LAPTM4B: variants seen among roughly 807,000 people sequenced by gnomAD.
LAPTM4B encodes lysosomal protein transmembrane 4 beta.
A neutral mutation model predicts 28.5 loss-of-function variants in LAPTM4B; 26 were observed. The ratio of observed to expected loss-of-function variants is 0.91; its 90% CI spans 0.67 to 1.27. The LOEUF (loss-of-function observed/expected upper bound fraction) is 1.27. Ranked by LOEUF, LAPTM4B falls within the 50% of genes most tolerant of loss-of-function variation. The probability of loss-of-function intolerance (pLI) is 0.00; values close to 1 mark genes in which losing one functional copy is unlikely to be tolerated. For missense variants in LAPTM4B, 288 were observed against 285.8 expected (o/e 1.01, Z -0.06); for synonymous variants, 109 against 106.4 (o/e 1.02, Z -0.15).
At chr8:97,831,603 G>GCTAT (rs1817183720) in intron 6 of LAPTM4B, among the ~76,000 whole-genome samples, 1 of 152,186 alleles carries the variant, frequency 6.6e-6, no homozygotes. Flanking sequence ...AAGGAAGAAA[G>GCTAT]GATAGAGTGG....
chr8:97,824,965 A>C, intron 5 of LAPTM4B, 93 bp from the exon 6 acceptor site: 1 of 711,906 alleles, frequency 1.4e-6, no homozygotes, highest in Admixed American at 2.2e-5. Context: ...GCTTATGTCA[A>C]TAAAAGTTTT....
intron 2 of LAPTM4B, among the ~76,000 whole-genome samples, chr8:97,813,000 C>T (rs1418390558): frequency 6.6e-6 from 1 of 152,208 alleles, no homozygotes; most frequent in Non-Finnish European, 1.5e-5. Context: ...ATAAAAAGCT[C>T]TGCTAGTGTC....
intron 1 of LAPTM4B, among the ~76,000 whole-genome samples, chr8:97,794,528 A>G (rs1055727147): frequency 1.3e-5 from 2 of 152,176 alleles, no homozygotes; most frequent in Non-Finnish European, 2.9e-5. Context: ...CAATAAATCT[A>G]ATTTCCCCCC....
At chr8:97,800,590 G>A (rs981753219) in intron 1 of LAPTM4B, among the ~76,000 whole-genome samples, 7 of 142,874 alleles carry the variant, frequency 4.9e-5, no homozygotes, top group Admixed American at 4.5e-4. Context: ...TCCGCCTCCC[G>A]GGTTCAAGCA....
At chr8:97,837,271 C>T (rs1817277187) in intron 6 of LAPTM4B, among the ~76,000 whole-genome samples, 1 of 149,100 alleles carries the variant, frequency 6.7e-6, no homozygotes, top group South Asian at 2.1e-4. Flanking sequence ...TGGCTCACTG[C>T]AGCCTCTGCT....
intron 5 of LAPTM4B, among the ~76,000 whole-genome samples, chr8:97,820,117 GACTTCT>G (rs1485048808): frequency 6.6e-6 from 1 of 152,088 alleles, no homozygotes; most frequent in African/African-American, 2.4e-5. Context: ...AAAGTTAAAT[GACTTCT>G]ACTTCCTGCA....
intron 1 of LAPTM4B, among the ~76,000 whole-genome samples, chr8:97,800,804 T>C (rs1353566509): frequency 1.3e-5 from 2 of 152,080 alleles, no homozygotes; most frequent in Non-Finnish European, 2.9e-5. Flanking sequence ...CCCCGTTGAC[T>C]TCTTGTTACA....
chr8:97,782,978 A>C (rs975836373), intron 1 of LAPTM4B, among the ~76,000 whole-genome samples: 14 of 146,826 alleles, frequency 9.5e-5, no homozygotes, highest in Non-Finnish European at 3.0e-5. Flanking sequence ...TCTCCATGTT[A>C]GTCAAGCTGG....
intron 6 of LAPTM4B, among the ~76,000 whole-genome samples, chr8:97,827,348 G>A (rs1563617213): frequency 6.6e-6 from 1 of 152,192 alleles, no homozygotes. Flanking sequence ...CTGTCCTTAG[G>A]AATGCTGAAG....
At position 97,819,184 on chromosome 8, in the gene LAPTM4B, T is replaced by A; in HGVS notation, c.453T>A (p.Pro151=). 1 of 1,610,836 alleles carries A rather than the reference T, an allele frequency of 6.2e-7. No homozygotes were observed. The highest frequency in any genetic ancestry group is 8.5e-7 in the Non-Finnish European group (1 of 1,178,340). ...PYRDDVMSVN[P]TCLVLIILLF... ...GAGATGATGTCATGTCAGTGAATCC[T>A]ACCTGTTTGGTCCTTATTATTCTTC... Residue 151 remains proline (P), a synonymous_variant, in exon 5 of 7, where the codon CCT becomes CCA. Coordinates refer to ENST00000521545, the MANE Select transcript of LAPTM4B (RefSeq NM_018407.6).
At chr8:97,784,416 G>A (rs1816370866) in intron 1 of LAPTM4B, among the ~76,000 whole-genome samples, 1 of 152,132 alleles carries the variant, frequency 6.6e-6, no homozygotes, top group Admixed American at 6.6e-5. Flanking sequence ...TATGATGAAA[G>A]CAGTTTTTTT....
At chr8:97,787,859 G>T (rs1454328339) in intron 1 of LAPTM4B, among the ~76,000 whole-genome samples, 1 of 151,876 alleles carries the variant, frequency 6.6e-6, no homozygotes, top group Non-Finnish European at 1.5e-5. Flanking sequence ...TTTAGACAGA[G>T]TCTCACTTTG....
intron 1 of LAPTM4B, among the ~76,000 whole-genome samples, chr8:97,786,553 A>C (rs1445723485): frequency 6.6e-6 from 1 of 151,826 alleles, no homozygotes; most frequent in Non-Finnish European, 1.5e-5. Context: ...AATACAAAAA[A>C]ATAGGCATGG....
At chr8:97,789,621 G>A (rs1449286060) in intron 1 of LAPTM4B, among the ~76,000 whole-genome samples, 4 of 148,988 alleles carry the variant, frequency 2.7e-5, no homozygotes, top group Non-Finnish European at 5.9e-5. Context: ...CCTGCCTCCC[G>A]GGTTCAAGCA....
At chr8:97,835,377 G>A (rs2129833882) in intron 6 of LAPTM4B, among the ~76,000 whole-genome samples, 1 of 152,316 alleles carries the variant, frequency 6.6e-6, no homozygotes, top group South Asian at 2.1e-4. Context: ...ATAGAGAAGA[G>A]TTGCTAGATA....
In LAPTM4B at chr8:97,851,399, G is replaced by T; in HGVS notation, c.606G>T (p.Val202=). The T allele has an allele frequency of 6.2e-7, 1 of 1,613,770 alleles. No homozygotes were observed. The highest frequency in any genetic ancestry group is 8.5e-7 in the Non-Finnish European group (1 of 1,179,670). ...TTGCCGTCCCTCTTTCTTCTCAGGT[G>T]CTGCTACCCCCGTATGATGATGCCA... is the stretch of plus-strand genomic sequence containing the variant. ...LVYVTSNDTT[V]LLPPYDDATV... Residue 202 remains valine, a splice_region_variant and synonymous_variant, in exon 7 of 7, where the codon GTG becomes GTT. Transcript: ENST00000521545.
intron 1 of LAPTM4B, among the ~76,000 whole-genome samples, chr8:97,798,525 G>T (rs752332481): frequency 2.3e-4 from 35 of 152,046 alleles, no homozygotes; most frequent in Non-Finnish European, 4.7e-4. Context: ...GGACGGCCTC[G>T]CGAAGAACCA....
chr8:97,802,238 C>T (rs578115645), intron 1 of LAPTM4B, among the ~76,000 whole-genome samples: 1 of 152,230 alleles, frequency 6.6e-6, no homozygotes, highest in East Asian at 1.9e-4. Context: ...AGAGCAGTAG[C>T]TTGGACTGCT....
chr8:97,789,209 G>A (rs373692220), intron 1 of LAPTM4B, among the ~76,000 whole-genome samples: 66 of 151,520 alleles, frequency 4.4e-4, no homozygotes, highest in African/African-American at 1.6e-3. Context: ...AAGTAGCTGG[G>A]ATTACAGGCA....
Sources: allele counts gnomAD v4.1 joint callset (sites outside exome capture counted in the v4.1 genomes callset), GRCh38; gene constraint gnomAD v4.1.1; transcripts MANE v1.5; gene names NCBI Gene and HGNC (gene_info 2026-07-23, HGNC 2026-07-21).